The following KCNIP4 variants were observed in gnomAD, a reference collection of about 807,000 sequenced individuals.
The protein encoded by KCNIP4 is potassium voltage-gated channel interacting protein 4, also known as Kv channel-interacting protein 4.
KCNIP4 carries 12 observed loss-of-function variants against 34.0 expected under a neutral mutation model. That is an observed-to-expected ratio of 0.35 (90% confidence interval 0.23 to 0.57). The LOEUF is 0.57. KCNIP4 is among the 20% of genes least tolerant of loss of function. KCNIP4 has a pLI of 0.83. For missense variants in KCNIP4, 238 were observed against 311.7 expected (o/e 0.76, Z 1.78); for synonymous variants, 124 against 102.2 (o/e 1.21, Z -1.29).
chr4:21,526,034 G>C (rs78917333), intron 1 of KCNIP4, among the ~76,000 whole-genome samples: 5,845 of 152,174 alleles, frequency 0.038, 303 homozygotes, highest in East Asian at 0.22. Flanking sequence ...TGAATATGCA[G>C]ATGGCATATG....
chr4:21,012,801 A>T (rs1196936124), intron 1 of KCNIP4, among the ~76,000 whole-genome samples: 1 of 152,186 alleles, frequency 6.6e-6, no homozygotes. Flanking sequence ...TTGAAAACAT[A>T]TCTGTTCTAT....
chr4:21,721,595 C>A (rs564441080), intron 1 of KCNIP4, among the ~76,000 whole-genome samples: 2 of 152,210 alleles, frequency 1.3e-5, no homozygotes, highest in East Asian at 3.9e-4. Context: ...TTTCTGGGGG[C>A]AAGTATATAT....
intron 1 of KCNIP4, among the ~76,000 whole-genome samples, chr4:21,532,256 A>G (rs912659192): frequency 5.9e-5 from 9 of 152,180 alleles, no homozygotes; most frequent in African/African-American, 2.2e-4. Context: ...GTTAATAATT[A>G]TTACATAAGA....
intron 1 of KCNIP4, among the ~76,000 whole-genome samples, chr4:20,941,804 TAGAG>T (rs1731668967): frequency 6.6e-6 from 1 of 152,204 alleles, no homozygotes; most frequent in Non-Finnish European, 1.5e-5. Flanking sequence ...GTCCAGTATA[TAGAG>T]AAATGAGAAA....
At chr4:21,917,043 C>T (rs969696162) in intron 1 of KCNIP4, among the ~76,000 whole-genome samples, 5 of 152,206 alleles carry the variant, frequency 3.3e-5, no homozygotes, top group African/African-American at 1.2e-4. Flanking sequence ...CAGGTTTGCT[C>T]CTCTGTGGTC....
intron 1 of KCNIP4, among the ~76,000 whole-genome samples, chr4:21,074,506 C>G (rs540161175): frequency 6.1e-4 from 93 of 151,924 alleles, no homozygotes; most frequent in Non-Finnish European, 8.5e-4. Context: ...TTTTTTATTG[C>G]GTCTATTTGA....
At chr4:21,467,359 T>A (rs62295503) in intron 1 of KCNIP4, among the ~76,000 whole-genome samples, 11,541 of 152,180 alleles carry the variant, frequency 0.076, 536 homozygotes, top group East Asian at 0.14. Flanking sequence ...GTTTCCAAGT[T>A]GGAAGCGGTC....
At chr4:21,697,926 C>G (rs1712521547) in intron 1 of KCNIP4, 1 of 153,626 alleles carries the variant, frequency 6.5e-6, no homozygotes, top group South Asian at 2.0e-4. Flanking sequence ...GCACTCCAGC[C>G]TGCTGGGGAG....
At chr4:21,729,142 G>T (rs888661027) in intron 1 of KCNIP4, among the ~76,000 whole-genome samples, 4 of 151,960 alleles carry the variant, frequency 2.6e-5, no homozygotes, top group African/African-American at 9.7e-5. Context: ...CTTCTACAGG[G>T]TTTTCCCTAC....
chr4:21,808,047 A>C lies in KCNIP4; in HGVS notation c.61+140524T>G, dbSNP rs1167345438. On this transcript the variant is annotated intron_variant, in intron 1 of 8. Transcript: ENST00000382152. ...AACGTTAACATATATGCATACATTA[A>C]ATTACAAAGAAAATTATTTCACTCA... is the stretch of plus-strand genomic sequence containing the variant. 2.0e-5 allele frequency among the ~76,000 whole-genome samples: 3 copies of C among 152,320 alleles called. No individual in the cohort carries two copies. The South Asian group carries it at 6.2e-4, about 32-fold the overall frequency.
At chr4:21,450,722 A>C (rs2109741965) in intron 1 of KCNIP4, among the ~76,000 whole-genome samples, 1 of 152,324 alleles carries the variant, frequency 6.6e-6, no homozygotes, top group Middle Eastern at 3.4e-3. Context: ...CACTTCACAC[A>C]TCAGTGCTTC....
chr4:21,065,993 A>C (rs1744348665), intron 1 of KCNIP4, among the ~76,000 whole-genome samples: 1 of 152,004 alleles, frequency 6.6e-6, no homozygotes, highest in Admixed American at 6.6e-5. Flanking sequence ...GAGGCAAAAT[A>C]GTGTAGCATA....
intron 1 of KCNIP4, among the ~76,000 whole-genome samples, chr4:21,188,192 A>T (rs982180246): frequency 6.6e-6 from 1 of 152,176 alleles, no homozygotes; most frequent in Non-Finnish European, 1.5e-5. Context: ...TGCTCCAAAG[A>T]GTTTTGTTTT....
At chr4:21,687,317 A>AAT (rs1491484267) in intron 1 of KCNIP4, among the ~76,000 whole-genome samples, 23 of 92,960 alleles carry the variant, frequency 2.5e-4, no homozygotes, top group African/African-American at 6.7e-4. Context: ...CTTAAAGTAT[A>AAT]AAAAAAAAAA....
intron 2 of KCNIP4, among the ~76,000 whole-genome samples, chr4:20,878,649 T>G (rs1025298011): frequency 6.6e-6 from 1 of 152,190 alleles, no homozygotes; most frequent in African/African-American, 2.4e-5. Context: ...CTATATGGTC[T>G]CTAAAAATAT....
At chr4:21,551,329 G>A (rs1738563974) in intron 1 of KCNIP4, among the ~76,000 whole-genome samples, 1 of 151,954 alleles carries the variant, frequency 6.6e-6, no homozygotes. Flanking sequence ...AATTCTTTTG[G>A]TTCTTTCAGT....
intron 1 of KCNIP4, among the ~76,000 whole-genome samples, chr4:21,682,092 A>C (rs1236092157): frequency 6.6e-6 from 1 of 152,044 alleles, no homozygotes; most frequent in Non-Finnish European, 1.5e-5. Context: ...GGGTTTCACC[A>C]TGTTAGCCAG....
intron 1 of KCNIP4, among the ~76,000 whole-genome samples, chr4:21,306,059 G>A (rs1712429143): frequency 6.6e-6 from 1 of 152,274 alleles, no homozygotes; most frequent in South Asian, 2.1e-4. Flanking sequence ...GATAATAAAA[G>A]TCATCAATGA....
At chr4:21,898,206 C>T (rs1727506216) in intron 1 of KCNIP4, among the ~76,000 whole-genome samples, 1 of 152,112 alleles carries the variant, frequency 6.6e-6, no homozygotes. Flanking sequence ...GGTATAGGCC[C>T]CAGTTGCCAA....
Sources: allele counts gnomAD v4.1 joint callset (sites outside exome capture counted in the v4.1 genomes callset), GRCh38; gene constraint gnomAD v4.1.1; transcripts MANE v1.5; gene names NCBI Gene and HGNC (gene_info 2026-07-23, HGNC 2026-07-21).